The following LRP2 variants were observed in gnomAD, a reference collection of about 807,000 sequenced individuals.
LRP2 encodes the protein low-density lipoprotein receptor-related protein 2.
Under a neutral mutation model 531.0 loss-of-function variants are expected in LRP2, and 172 were observed. The observed-to-expected ratio is 0.32, with a 90% CI of 0.29 to 0.37. The LOEUF is 0.37. LRP2 is among the 10% of genes least tolerant of loss of function. The pLI is 1.00. For missense variants in LRP2, 5,167 were observed against 5,868.3 expected (o/e 0.88, Z 3.90); for synonymous variants, 1,992 against 2,027.6 (o/e 0.98, Z 0.47).
chr2:169,320,937 G>T (rs148158877), intron 1 of LRP2, 53 bp from the exon 2 acceptor site: 2 of 1,239,610 alleles, frequency 1.6e-6, no homozygotes, highest in Non-Finnish European at 2.4e-6. Flanking sequence ...ATATTTAACC[G>T]AAGAAATATA....
At chr2:169,315,287 C>T (rs1303915364) in intron 3 of LRP2, among the ~76,000 whole-genome samples, 2 of 152,100 alleles carry the variant, frequency 1.3e-5, no homozygotes. Flanking sequence ...CTAGGGGACA[C>T]TAAGGAGTAA....
chr2:169,177,985 T>C lies in LRP2; in HGVS notation c.10211A>G (p.Asp3404Gly), dbSNP rs146669420. ...AGCGAAAGGGTGAGGCAGTGCCCCA[T>C]CATACACCGTGTGTCGATGGTGGCC... ...LEGHHRHTVY[D>G]GALPHPFAIT... The change falls in exon 53 of 79, where the codon GAT becomes GGT. Residue 3404 changes from aspartate to glycine, a missense_variant. By Grantham distance (94) the Asp-to-Gly change is moderately conservative (BLOSUM62 -1). This residue lies in a region of LRP2 where 1,129 missense variants were observed against 1,362.7 expected (regional missense o/e 0.83). Coordinates refer to ENST00000649046, the MANE Select transcript of LRP2 (RefSeq NM_004525.3). 6 of 1,613,996 alleles carry C rather than the reference T, an allele frequency of 3.7e-6. No homozygotes were observed. In the Admixed American group the frequency reaches 5.0e-5, roughly 13 times the overall value.
rs530204670 is a variant in LRP2 at position 169,171,223 on chromosome 2, C to G, written c.11264-556G>C. On this transcript the variant is annotated intron_variant, in intron 58 of 78. Transcript: ENST00000649046. Reference sequence around the variant, plus strand: ...CAGGTGTAGTCAGCTTCCTAAATCTCTCATTGCTTATCGCAAGTGGTGATC... The same window carrying G: ...CAGGTGTAGTCAGCTTCCTAAATCTGTCATTGCTTATCGCAAGTGGTGATC... 1.4e-3 allele frequency among the ~76,000 whole-genome samples: 212 copies of G among 152,266 alleles called. 1 individual carries two copies. Among genetic ancestry groups the G allele is most frequent in the African/African-American group, 4.8e-3 (199 of 41,542 alleles).
intron 4 of LRP2, among the ~76,000 whole-genome samples, chr2:169,300,218 A>G (rs552623349): frequency 3.3e-5 from 5 of 152,114 alleles, no homozygotes; most frequent in African/African-American, 4.8e-5. Context: ...TATTTGGGAG[A>G]GTGAAATTAC....
At position 169,138,558 on chromosome 2, in the gene LRP2, A is replaced by T. The variant is rs756267268; in HGVS notation, c.13518+19T>A. ...TATAAATGACAACCTTCAAATAATC[A>T]TTTTGAAACCATACTCACCATTGCC... On this transcript the variant is annotated intron_variant, in intron 75 of 78. Coordinates refer to ENST00000649046, the MANE Select transcript of LRP2 (RefSeq NM_004525.3). 18 of 1,613,014 alleles carry T rather than the reference A, an allele frequency of 1.1e-5. No homozygotes were observed. The highest frequency in any genetic ancestry group is 1.7e-6 in the Non-Finnish European group (2 of 1,179,280).
At chr2:169,321,392 G>T (rs1413343652) in intron 1 of LRP2, among the ~76,000 whole-genome samples, 7 of 150,504 alleles carry the variant, frequency 4.7e-5, no homozygotes, top group African/African-American at 7.3e-5. Flanking sequence ...TAAGTACTTA[G>T]AGAAATACTT....
At chr2:169,309,439 T>C (rs1049902810) in intron 3 of LRP2, among the ~76,000 whole-genome samples, 1 of 152,242 alleles carries the variant, frequency 6.6e-6, no homozygotes, top group African/African-American at 2.4e-5. Context: ...GCTTTCTACA[T>C]ATGGCTAGCC....
At chr2:169,233,922 T>C (rs1689506456) in intron 29 of LRP2, among the ~76,000 whole-genome samples, 1 of 152,144 alleles carries the variant, frequency 6.6e-6, no homozygotes, top group Admixed American at 6.5e-5. Flanking sequence ...AAAAGTTAGA[T>C]GGAACTAGAG....
intron 59 of LRP2, 30 bp downstream of exon 59, chr2:169,170,521 T>A: frequency 6.4e-7 from 1 of 1,569,222 alleles, no homozygotes; most frequent in Non-Finnish European, 8.8e-7. Context: ...AGTACAAAAT[T>A]CTATGGTAAG....
chr2:169,248,773 T>G (rs1690115984), intron 19 of LRP2, among the ~76,000 whole-genome samples: 1 of 131,384 alleles, frequency 7.6e-6, no homozygotes, highest in Admixed American at 7.7e-5. Flanking sequence ...GGCCAGTGTG[T>G]GTGCGCACCG....
At position 169,175,222 on chromosome 2, in the gene LRP2, T is replaced by C. The variant is rs1318979908; in HGVS notation, c.10739A>G (p.Asp3580Gly). Reference sequence around the variant, plus strand: ...AAGAAGACGGTCTTCATCAGACCCATCAGGGCAATTTTGGTGAGCATTGCA... The same window carrying C: ...AAGAAGACGGTCTTCATCAGACCCACCAGGGCAATTTTGGTGAGCATTGCA... The part of the protein sequence containing the change: ...TLCNAHQNCP[D>G]GSDEDRLLCE... The change falls in exon 55 of 79, where the codon GAT (aspartate) becomes GGT (glycine). Residue 3580 changes from aspartate (D) to glycine (G), a missense_variant. Around this residue, in one of 6 missense-constraint regions of LRP2, gnomAD observed 311 missense variants for 309.4 expected, o/e 1.01. Coordinates refer to ENST00000649046, the MANE Select transcript of LRP2 (RefSeq NM_004525.3). 6.2e-7 allele frequency: 1 copy of C among 1,614,128 alleles called. No homozygotes were observed. The highest frequency in any genetic ancestry group is 1.7e-5 in the Admixed American group (1 of 60,018).
chr2:169,270,792 A>AAATT, intron 16 of LRP2, 112 bp downstream of exon 16: 1 of 496,344 alleles, frequency 2.0e-6, no homozygotes, highest in Non-Finnish European at 3.4e-6. Flanking sequence ...ATAAATAAAT[A>AAATT]AGACTGCTTA....
intron 9 of LRP2, among the ~76,000 whole-genome samples, chr2:169,286,615 T>C (rs1683865160): frequency 6.6e-6 from 1 of 152,202 alleles, no homozygotes; most frequent in Non-Finnish European, 1.5e-5. Flanking sequence ...CATTTGGAAA[T>C]ACAACCCAAG....
At chr2:169,260,912 A>G (rs1212008086) in intron 16 of LRP2, among the ~76,000 whole-genome samples, 1 of 152,022 alleles carries the variant, frequency 6.6e-6, no homozygotes, top group African/African-American at 2.4e-5. Context: ...ATCCAGGAGT[A>G]TGCTGTCATG....
Position 169,154,537 on chromosome 2 carries a change from C to A in LRP2, c.12218G>T (p.Arg4073Met), listed in dbSNP as rs1416045260. The change falls in exon 66 of 79, where the codon AGG becomes ATG. Residue 4073 changes from arginine (R) to methionine (M), a missense_variant. Coordinates refer to ENST00000649046, the MANE Select transcript of LRP2 (RefSeq NM_004525.3). Reference sequence around the variant, plus strand: ...CTCATCTTGAAGATACTCTGAGAACCTCTCAGATGAGAGATTATATTTTCG... The same window carrying A: ...CTCATCTTGAAGATACTCTGAGAACATCTCAGATGAGAGATTATATTTTCG... ...RIRKYNLSSE[R>M]FSEYLQDEEY... The A allele has an allele frequency of 6.2e-7, 1 of 1,611,132 alleles. No homozygotes were observed. Among genetic ancestry groups the A allele is most frequent in the Non-Finnish European group, 8.5e-7 (1 of 1,177,424 alleles).
At chr2:169,318,945 A>G (rs1684839946) in intron 2 of LRP2, 61 bp from the exon 3 acceptor site, 24 of 1,596,082 alleles carry the variant, frequency 1.5e-5, no homozygotes, top group Non-Finnish European at 2.0e-5. Context: ...ACTAGCAAGC[A>G]ATGCTTGTTC....
At chr2:169,326,774 C>T (rs1230047810) in intron 1 of LRP2, among the ~76,000 whole-genome samples, 3 of 147,962 alleles carry the variant, frequency 2.0e-5, no homozygotes, top group African/African-American at 5.1e-5. Context: ...AAGTGAGGAG[C>T]GCCTCTTCCC....
rs950940731 is a variant in LRP2, at chr2:169,146,650, A to G, written c.12811+89T>C. ...AAAACTATATAAGCCATTTCCTAAG[A>G]GCAGGGCTCCTTCTTGAGAAAACAG... On this transcript the variant is annotated intron_variant, in intron 69 of 78. Coordinates refer to ENST00000649046, the MANE Select transcript of LRP2 (RefSeq NM_004525.3). 7.1e-6 allele frequency: 8 copies of G among 1,125,382 alleles called. No homozygotes were observed. The African/African-American group carries it at 1.1e-4, about 15-fold the overall frequency. 69.7% of individuals were successfully genotyped at this position (1,125,382 alleles called of 1,614,324 possible). A position where few individuals can be genotyped will look rare whatever the true frequency, so the allele number is the denominator to read the frequency against.
chr2:169,218,005 C>T (rs1688857873), intron 34 of LRP2, among the ~76,000 whole-genome samples: 1 of 152,154 alleles, frequency 6.6e-6, no homozygotes, highest in Admixed American at 6.5e-5. Context: ...TATTCAACAT[C>T]CTCTCTTGAA....
Sources: gnomAD v4.1 joint callset for allele counts (sites outside exome capture counted in the v4.1 genomes callset) on GRCh38, gnomAD v4.1.1 for gene constraint, gnomAD v4.1.1 regional missense constraint, MANE v1.5 for transcripts, NCBI Gene and HGNC (gene_info 2026-07-23, HGNC 2026-07-21) for gene names.